MICAL1: variants seen among roughly 807,000 people sequenced by gnomAD.
MICAL1 encodes [F-actin]-monooxygenase MICAL1.
Under a neutral mutation model 131.8 loss-of-function variants are expected in MICAL1, and 95 were observed. That is an observed-to-expected ratio of 0.72 (90% CI 0.61 to 0.86). The LOEUF (loss-of-function observed/expected upper bound fraction) is 0.86. Ranked by LOEUF, MICAL1 falls within the 40% of genes least tolerant of loss-of-function variation. The probability of loss-of-function intolerance (pLI) is 0.00; values close to 1 mark genes in which losing one functional copy is unlikely to be tolerated. For synonymous variants in MICAL1, 546 were observed against 554.2 expected (o/e 0.99, Z 0.21); for missense variants, 1,292 against 1,380.6 (o/e 0.94, Z 1.02).
chr6:109,449,517 G>T, intron 10 of MICAL1, 36 bp from the exon 11 acceptor site: 1 of 1,613,046 alleles, frequency 6.2e-7, no homozygotes, highest in Non-Finnish European at 8.5e-7. Context: ...AGGCAGGCTG[G>T]CCACACAGCC....
At position 109,449,484 on chromosome 6, in the gene MICAL1, A is replaced by G. The variant is rs2115332298; in HGVS notation, c.1435-3T>C. ...AGCACATCATACAGGTCTCGTACCT[A>G]AGGCAGCCCCGCTCAGGTCTCAAGG... On this transcript the variant is annotated splice_region_variant and splice_polypyrimidine_tract_variant and intron_variant, in intron 10 of 24. Transcript: ENST00000358807. 2 of 1,614,156 alleles carry G rather than the reference A, an allele frequency of 1.2e-6. No homozygotes were observed. The highest frequency in any genetic ancestry group is 2.7e-5 in the African/African-American group (2 of 75,032).
In MICAL1 at chr6:109,449,777, G is replaced by T. The variant is rs1775452922; in HGVS notation, c.1314C>A (p.Ser438Arg). ...ATGTCTGTGACAGAAGCTGGTACAG[G>T]CTCTCACTGAGGGGGTGAGGGTAAG... ...ESLEVLAERE[S>R]LYQLLSQTSP... The change falls in exon 10 of 25, where the codon AGC (serine) becomes AGA (arginine). Residue 438 changes from serine to arginine, a missense_variant. Physicochemically the swap from Ser to Arg is moderately radical, Grantham distance 110. Transcript: ENST00000358807. 1.2e-6 allele frequency: 2 copies of T among 1,608,656 alleles called. No homozygotes were observed. The highest frequency in any genetic ancestry group is 1.3e-5 in the African/African-American group (1 of 74,808).
Position 109,445,506 on chromosome 6 carries a change from G to A in MICAL1, c.2697C>T (p.Thr899=), listed in dbSNP as rs370421836. ...VEQALQTFAK[T]SGTMNNYPTW... ...TTGGGTAGTTATTCATGGTGCCTGA[G>A]GTCTTGGCAAAGGTCTGCAGGGCCT... Residue 899 remains threonine (T), a synonymous_variant, in exon 21 of 25, where the codon ACC becomes ACT. Coordinates refer to ENST00000358807, the MANE Select transcript of MICAL1 (RefSeq NM_022765.4). 2.5e-6 allele frequency: 4 copies of A among 1,614,008 alleles called. No homozygotes were observed. The African/African-American group carries it at 4.0e-5, about 16-fold the overall frequency.
chr6:109,446,886 T>G (rs1775250813), intron 17 of MICAL1, 114 bp from the exon 18 acceptor site: 2 of 1,274,898 alleles, frequency 1.6e-6, no homozygotes, highest in Non-Finnish European at 2.2e-6. Flanking sequence ...GGTGAATTTC[T>G]GCCAGCCTCC....
upstream of MICAL1, among the ~76,000 whole-genome samples, chr6:109,460,430 A>C (rs987514250): frequency 2.0e-5 from 3 of 151,274 alleles, no homozygotes; most frequent in Non-Finnish European, 2.9e-5. Context: ...CTACGTAAAA[A>C]AAAAAAAAAA....
intron 24 of MICAL1, among the ~76,000 whole-genome samples, 167 bp from the exon 25 acceptor site, chr6:109,444,506 A>G (rs1775117795): frequency 6.6e-6 from 1 of 152,212 alleles, no homozygotes; most frequent in African/African-American, 2.4e-5. Flanking sequence ...ACTGAGCAGC[A>G]CGATTTTTTT....
intron 7 of MICAL1, among the ~76,000 whole-genome samples, 181 bp downstream of exon 7, chr6:109,451,419 G>C (rs1209503413): frequency 6.6e-6 from 1 of 152,182 alleles, no homozygotes; most frequent in East Asian, 1.9e-4. Context: ...TTCCCAAAGT[G>C]CTGGGATTAC....
upstream of MICAL1, chr6:109,455,826 G>C (rs927278604): frequency 2.0e-6 from 2 of 985,408 alleles, no homozygotes; most frequent in African/African-American, 1.7e-5. The surrounding 1 kb of genome is among the most constrained non-coding windows in gnomAD (Gnocchi z 4.7). Flanking sequence ...GAGATCGGGC[G>C]GGGATGCTGG....
intron 1 of MICAL1, 94 bp from the exon 2 acceptor site, chr6:109,454,333 G>C (rs1271198197): frequency 5.6e-6 from 7 of 1,256,810 alleles, no homozygotes; most frequent in Non-Finnish European, 7.5e-6. Flanking sequence ...TCCCCAGGGA[G>C]CTCGGGATTC....
Position 109,455,080 on chromosome 6 carries a change from TC to T in MICAL1, c.-44+638del, listed in dbSNP as rs1412961830. Among the ~76,000 whole-genome samples the T allele has an allele frequency of 2.1e-5, 3 of 143,648 alleles. No homozygotes were observed. In the South Asian group the frequency reaches 7.2e-4, roughly 34 times the overall value. The allele number at this position is 143,648 out of a possible 152,430, so 94.2% of individuals were successfully genotyped here. On this transcript the variant is annotated intron_variant, in intron 1 of 24. Transcript: ENST00000358807. This position sits in a 1 kb window ranked among gnomAD's most constrained non-coding sequence, Gnocchi z 4.7. ...GCCCCCTGTGCGCCCGGGCGCGCTCTCCCAGGAATCTCCGGAGACAAAGCCT... is the reference window on the plus strand; with the variant it reads ...GCCCCCTGTGCGCCCGGGCGCGCTCTCCAGGAATCTCCGGAGACAAAGCCT...
intron 1 of MICAL1, 69 bp from the exon 2 acceptor site, chr6:109,454,308 G>C: frequency 1.2e-4 from 176 of 1,408,716 alleles, no homozygotes; most frequent in Middle Eastern, 2.2e-4. Context: ...GGGAGGCGAA[G>C]AGAGCAGGCT....
chr6:109,448,363 A>G lies in MICAL1; in HGVS notation c.1695T>C (p.Ala565=), dbSNP rs964544557. 3 of 1,613,862 alleles carry G rather than the reference A, an allele frequency of 1.9e-6. No homozygotes were observed. The Admixed American group carries it at 5.0e-5, about 27-fold the overall frequency. ...TTAGTGCCCAAGCAGTTGCTTCCAG[A>G]GCTCCCAGCCCCTGCAGCTCTGAGG... ...LEPSELQGLG[A]LEATAWALKV... Residue 565 remains alanine, a synonymous_variant, in exon 13 of 25, where the codon GCT becomes GCC. Transcript: ENST00000358807.
rs771770505 is a variant in MICAL1 at position 109,447,419 on chromosome 6, T to C, written c.2008A>G (p.Thr670Ala). 8.7e-6 allele frequency: 14 copies of C among 1,613,306 alleles called. No homozygotes were observed. The South Asian group carries it at 8.8e-5, about 10-fold the overall frequency. Residue 670 changes from threonine to alanine, a missense_variant, in exon 16 of 25, where the codon ACT becomes GCT. By Grantham distance (58) the Thr-to-Ala change is moderately conservative. Coordinates refer to ENST00000358807, the MANE Select transcript of MICAL1 (RefSeq NM_022765.4). ...RLEMEAETPS[T>A]EVPPDPEPGV... is the part of the protein sequence containing the mutation. ...GGCTCTGGGTCAGGTGGCACCTCAG[T>C]ACTTGGGGTCTCGGCCTCCATCTAA...
At position 109,450,524 on chromosome 6, in the gene MICAL1, C is replaced by T. The variant is rs778586626; in HGVS notation, c.967G>A (p.Ala323Thr). 40 of 1,611,632 alleles carry T rather than the reference C, an allele frequency of 2.5e-5. No homozygotes were observed. The highest frequency in any genetic ancestry group is 3.3e-5 in the Non-Finnish European group (39 of 1,178,852). ...WPDTNRLLGS[A>T]NVVPEALQRF... ...TGCAGAGCCTCGGGCACCACATTGG[C>T]ACTGCCCAGCAGCCGATTGGTGTCT... Residue 323 changes from alanine to threonine, a missense_variant, in exon 8 of 25, where the codon GCC becomes ACC. By Grantham distance (58) the Ala-to-Thr change is moderately conservative. Coordinates refer to ENST00000358807, the MANE Select transcript of MICAL1 (RefSeq NM_022765.4).
Position 109,450,474 on chromosome 6 carries a change from G to C in MICAL1, c.1017C>G (p.Asp339Glu), listed in dbSNP as rs759957613. The C allele has an allele frequency of 8.1e-6, 13 of 1,613,440 alleles. No homozygotes were observed. Among genetic ancestry groups the C allele is most frequent in the Non-Finnish European group, 1.1e-5 (13 of 1,180,008 alleles). Residue 339 changes from aspartate (D) to glutamate (E), a missense_variant, in exon 8 of 25, where the codon GAC (aspartate) becomes GAG (glutamate). Coordinates refer to ENST00000358807, the MANE Select transcript of MICAL1 (RefSeq NM_022765.4). ...ALQRFTRAAA[D>E]FATHGKLGKL... ...TCCCGAGCTTGCCATGGGTGGCAAA[G>C]TCAGCAGCTGCCCGGGTAAAGCGCT... is the stretch of plus-strand genomic sequence containing the variant.
Position 109,448,237 on chromosome 6 carries a change from G to A in MICAL1, c.1821C>T (p.Phe607=), listed in dbSNP as rs759102155. The A allele has an allele frequency of 1.2e-6, 2 of 1,613,394 alleles. No homozygotes were observed. The highest frequency in any genetic ancestry group is 1.7e-5 in the Admixed American group (1 of 60,018). The change falls in exon 13 of 25, where the codon TTC becomes TTT. Residue 607 remains phenylalanine, a synonymous_variant. Coordinates refer to ENST00000358807, the MANE Select transcript of MICAL1 (RefSeq NM_022765.4). ...PLGLIAYLSH[F]HSAFKSMAHS... is the part of the protein sequence containing the mutation. ...GGGCCATGCTCTTGAAGGCACTGTGGAAGTGGCTGAGGTAGGCAATGAGGC... is the reference window on the plus strand; with the variant it reads ...GGGCCATGCTCTTGAAGGCACTGTGAAAGTGGCTGAGGTAGGCAATGAGGC...
chr6:109,446,981 G>C, intron 17 of MICAL1, 92 bp downstream of exon 17: 1 of 1,492,400 alleles, frequency 6.7e-7, no homozygotes, highest in Admixed American at 2.0e-5. Context: ...TCTTGAGCCT[G>C]TTTCCATCCT....
At chr6:109,451,910 T>G (rs937624253) in intron 6 of MICAL1, 9 of 1,387,294 alleles carry the variant, frequency 6.5e-6, no homozygotes, top group Non-Finnish European at 8.4e-6. Context: ...AGAGGGAAGC[T>G]TGGAGGGGGG....
rs1486369730 is a variant in MICAL1 at position 109,448,289 on chromosome 6, G to A, written c.1769C>T (p.Ala590Val). 6.2e-7 allele frequency: 1 copy of A among 1,613,930 alleles called. No individual in the cohort carries two copies. The highest frequency in any genetic ancestry group is 1.1e-5 in the South Asian group (1 of 91,090). ...LGITPVVSAQ[A>V]VVAGSDPLGL... ...CAGTGGGTCACTCCCTGCTACCACGGCCTGTGCAGACACCACCGGTGTGAT... is the reference window on the plus strand; with the variant it reads ...CAGTGGGTCACTCCCTGCTACCACGACCTGTGCAGACACCACCGGTGTGAT... The change falls in exon 13 of 25, where the codon GCC (alanine) becomes GTC (valine). Residue 590 changes from alanine to valine, a missense_variant. By Grantham distance (64) the Ala-to-Val change is moderately conservative (BLOSUM62 0). Coordinates refer to ENST00000358807, the MANE Select transcript of MICAL1 (RefSeq NM_022765.4).
Sources: allele counts gnomAD v4.1 joint callset (sites outside exome capture counted in the v4.1 genomes callset), GRCh38; gene constraint gnomAD v4.1.1; non-coding constraint Gnocchi (gnomAD v3.1); transcripts MANE v1.5; gene names NCBI Gene and HGNC (gene_info 2026-07-23, HGNC 2026-07-21).